The following NALCN variants were observed in gnomAD, a reference collection of about 807,000 sequenced individuals.
The protein encoded by NALCN is sodium leak channel, non-selective.
NALCN carries 111 observed loss-of-function variants against 225.3 expected under a neutral mutation model. That is an observed-to-expected ratio of 0.49 (90% CI 0.42 to 0.58). The LOEUF (loss-of-function observed/expected upper bound fraction) is 0.58. NALCN is among the 20% of genes least tolerant of loss of function. The pLI is 0.00. For synonymous variants in NALCN, 764 were observed against 769.0 expected, an observed-to-expected ratio of 0.99 and a Z score of 0.11; for missense variants, 1,378 against 2,202.4, an observed-to-expected ratio of 0.63 and a Z score of 7.49.
At chr13:101,109,151 G>C (rs578190451) in intron 20 of NALCN, among the ~76,000 whole-genome samples, 2 of 152,278 alleles carry the variant, frequency 1.3e-5, no homozygotes, top group African/African-American at 4.8e-5. Context: ...TTGAATGAGG[G>C]TTGCCTCTTT....
rs1218910628 is a variant in NALCN, at chr13:101,192,540, C to CT, written c.1627-487dup. On this transcript the variant is annotated intron_variant, in intron 13 of 43. Transcript: ENST00000251127. ...GCTATCATATTAAAAACATGGGACT[C>CT]TTTAAAAAAGAAATATTTCTAAGTG... is the stretch of plus-strand genomic sequence containing the variant. Among the ~76,000 whole-genome samples, 5 of 152,084 alleles carry CT rather than the reference C, an allele frequency of 3.3e-5. No individual in the cohort carries two copies. The South Asian group carries it at 1.0e-3, about 32-fold the overall frequency.
intron 7 of NALCN, among the ~76,000 whole-genome samples, chr13:101,317,944 G>T (rs965307883): frequency 2.0e-5 from 3 of 152,098 alleles, no homozygotes; most frequent in Non-Finnish European, 4.4e-5. Flanking sequence ...CTTCCGGGAT[G>T]ACCCTGTGAT....
intron 18 of NALCN, among the ~76,000 whole-genome samples, chr13:101,113,977 G>T (rs2035573721): frequency 6.6e-6 from 1 of 152,178 alleles, no homozygotes; most frequent in Non-Finnish European, 1.5e-5. Flanking sequence ...AAGGTGGGGA[G>T]GGGTGAGTAG....
At chr13:101,173,398 C>A (rs1173902485) in intron 15 of NALCN, among the ~76,000 whole-genome samples, 1 of 152,056 alleles carries the variant, frequency 6.6e-6, no homozygotes, top group Non-Finnish European at 1.5e-5. Flanking sequence ...GGCTTTCGGT[C>A]CAAATTGCCT....
intron 9 of NALCN, among the ~76,000 whole-genome samples, chr13:101,285,977 T>TG (rs1295781619): frequency 6.6e-6 from 1 of 151,844 alleles, no homozygotes; most frequent in Non-Finnish European, 1.5e-5. Flanking sequence ...CTCTCTTAAA[T>TG]TTTTTTTTCA....
chr13:101,368,785 C>T (rs2139392052), intron 6 of NALCN: 1 of 155,704 alleles, frequency 6.4e-6, no homozygotes, highest in South Asian at 1.8e-4. Flanking sequence ...GCAGGCAGAT[C>T]TCTTGAGGTC....
In NALCN at chr13:101,262,208, T is replaced by C. The variant is rs547005997; in HGVS notation, c.1135-3634A>G. 3.3e-5 allele frequency among the ~76,000 whole-genome samples: 5 copies of C among 152,350 alleles called. No individual in the cohort carries two copies. In the East Asian group the frequency reaches 9.7e-4, roughly 29 times the overall value. On this transcript the variant is annotated intron_variant, in intron 10 of 43. Transcript: ENST00000251127. The stretch of plus-strand genomic sequence containing the variant: ...CCCAGGGATAAATCCGACTTGGTCA[T>C]AATCCACATTATTCAAATGTTATTT...
intron 15 of NALCN, among the ~76,000 whole-genome samples, chr13:101,152,505 G>A (rs1201422387): frequency 1.3e-5 from 2 of 151,998 alleles, no homozygotes; most frequent in Non-Finnish European, 2.9e-5. Context: ...AGCTTTAAAT[G>A]TCCTTCAGAA....
At chr13:101,293,005 A>AT (rs1566540720) in intron 7 of NALCN, among the ~76,000 whole-genome samples, 1 of 152,230 alleles carries the variant, frequency 6.6e-6, no homozygotes, top group Admixed American at 6.5e-5. Context: ...ATGTGGATAG[A>AT]TTTTTTAACA....
intron 43 of NALCN, among the ~76,000 whole-genome samples, chr13:101,055,780 G>A (rs966774976): frequency 5.3e-5 from 8 of 151,926 alleles, no homozygotes; most frequent in African/African-American, 1.7e-4. Context: ...ATTCCAATTC[G>A]GGAACTATTA....
chr13:101,131,414 G>A (rs1452853174), intron 17 of NALCN, among the ~76,000 whole-genome samples: 3 of 152,080 alleles, frequency 2.0e-5, no homozygotes, highest in Non-Finnish European at 2.9e-5. Flanking sequence ...AAACAGTTTA[G>A]TATTTCTCTT....
At chr13:101,380,899 TCAC>T (rs933529590) in intron 3 of NALCN, among the ~76,000 whole-genome samples, 10 of 138,290 alleles carry the variant, frequency 7.2e-5, no homozygotes, top group African/African-American at 1.2e-4. Context: ...CACACCACCA[TCAC>T]CACCACCAAC....
In NALCN at chr13:101,210,476, C is replaced by T. The variant is rs549360548; in HGVS notation, c.1627-18422G>A. ...AATAGTTAATGATAAGCTATTTCCG[C>T]GTCTGGAAATAACTTGTCGGTTTGT... On this transcript the variant is annotated intron_variant, in intron 13 of 43. Coordinates refer to ENST00000251127, the MANE Select transcript of NALCN (RefSeq NM_052867.4). Among the ~76,000 whole-genome samples, 5 of 152,140 alleles carry T rather than the reference C, an allele frequency of 3.3e-5. No homozygotes were observed. In the Middle Eastern group the frequency reaches 0.01, roughly 310 times the overall value.
intron 12 of NALCN, among the ~76,000 whole-genome samples, chr13:101,229,907 A>T (rs1333753): frequency 0.18 from 27,119 of 152,170 alleles, 2,595 homozygotes; most frequent in East Asian, 0.36. Context: ...CAGGTTGAAC[A>T]TTCCTAATTT....
intron 14 of NALCN, among the ~76,000 whole-genome samples, chr13:101,190,607 G>A (rs1381295664): frequency 6.6e-6 from 1 of 152,178 alleles, no homozygotes; most frequent in Non-Finnish European, 1.5e-5. Flanking sequence ...TAGTTCTACT[G>A]TTTGAGCCCA....
chr13:101,385,760 C>A (rs897535574), intron 3 of NALCN, among the ~76,000 whole-genome samples: 9 of 152,126 alleles, frequency 5.9e-5, no homozygotes, highest in African/African-American at 1.4e-4. Context: ...TTCAAAAGAT[C>A]CAAAAATTGA....
At chr13:101,334,894 G>A (rs1320333377) in intron 7 of NALCN, among the ~76,000 whole-genome samples, 1 of 148,212 alleles carries the variant, frequency 6.7e-6, no homozygotes, top group East Asian at 2.3e-4. Flanking sequence ...GAAAAGAAAG[G>A]AAGAGAGGGA....
intron 3 of NALCN, among the ~76,000 whole-genome samples, chr13:101,379,358 A>G (rs757108267): frequency 2.6e-5 from 4 of 152,220 alleles, no homozygotes; most frequent in African/African-American, 7.2e-5. Flanking sequence ...TAGCAATCCC[A>G]TTACTGGATA....
At chr13:101,361,766 T>C (rs554992297) in intron 6 of NALCN, among the ~76,000 whole-genome samples, 2 of 152,318 alleles carry the variant, frequency 1.3e-5, no homozygotes, top group East Asian at 3.9e-4. Flanking sequence ...TATTTACCAC[T>C]AAAAATAAGA....
Sources: allele counts gnomAD v4.1 joint callset (sites outside exome capture counted in the v4.1 genomes callset), GRCh38; gene constraint gnomAD v4.1.1; transcripts MANE v1.5; gene names NCBI Gene and HGNC (gene_info 2026-07-23, HGNC 2026-07-21).